SBF2: variants seen among roughly 807,000 people sequenced by gnomAD.
SBF2 encodes the protein SET binding factor 2, also known as myotubularin-related protein 13.
In SBF2, 112 loss-of-function variants were observed where a neutral mutation model predicts 225.2. The observed-to-expected ratio is 0.50, with a 90% CI of 0.43 to 0.58. The LOEUF is 0.58. Ranked by LOEUF, SBF2 falls within the 20% of genes least tolerant of loss-of-function variation. The pLI is 0.00. For missense variants in SBF2, 1,996 were observed against 2,206.2 expected, an observed-to-expected ratio of 0.90 and a Z score of 1.91; for synonymous variants, 763 against 773.3, an observed-to-expected ratio of 0.99 and a Z score of 0.22.
At chr11:10,067,537 CA>C (rs1050102185) in intron 2 of SBF2, among the ~76,000 whole-genome samples, 4 of 151,122 alleles carry the variant, frequency 2.6e-5, no homozygotes, top group African/African-American at 9.7e-5. Flanking sequence ...CAACATTAAC[CA>C]AAAAAACAAA....
chr11:10,232,495 A>T (rs1244414832), intron 1 of SBF2, among the ~76,000 whole-genome samples: 3 of 152,138 alleles, frequency 2.0e-5, no homozygotes, highest in African/African-American at 7.2e-5. Context: ...AAATACATAG[A>T]CCAAAATGTT....
At chr11:9,962,394 T>C (rs542545823) in intron 15 of SBF2, among the ~76,000 whole-genome samples, 9 of 152,330 alleles carry the variant, frequency 5.9e-5, no homozygotes, top group South Asian at 2.1e-4. Context: ...GGTTACCAAA[T>C]TGACTGTTGC....
intron 1 of SBF2, among the ~76,000 whole-genome samples, chr11:10,237,451 C>T (rs1565387937): frequency 6.6e-6 from 1 of 152,166 alleles, no homozygotes; most frequent in Non-Finnish European, 1.5e-5. Flanking sequence ...CCCTAGGGAA[C>T]CTAAAATAAA....
chr11:10,078,102 C>T (rs1326120315), intron 2 of SBF2, among the ~76,000 whole-genome samples: 1 of 152,204 alleles, frequency 6.6e-6, no homozygotes, highest in Non-Finnish European at 1.5e-5. Flanking sequence ...CATCTCATGC[C>T]ATTTAGAATG....
intron 2 of SBF2, among the ~76,000 whole-genome samples, chr11:10,175,526 C>T (rs1056181448): frequency 6.6e-6 from 1 of 151,600 alleles, no homozygotes; most frequent in African/African-American, 2.4e-5. Flanking sequence ...TCCTGAGCGA[C>T]CTACAAAGAG....
At chr11:9,983,254 G>C (rs1041560665) in intron 13 of SBF2, among the ~76,000 whole-genome samples, 1 of 152,192 alleles carries the variant, frequency 6.6e-6, no homozygotes, top group South Asian at 2.1e-4. Flanking sequence ...CAGCGGGAGA[G>C]AAACTGGCCC....
chr11:9,790,621 T>C lies in SBF2; in HGVS notation c.4633A>G (p.Ile1545Val), dbSNP rs1489365711. The C allele has an allele frequency of 6.3e-7, 1 of 1,591,064 alleles. No homozygotes were observed. Among genetic ancestry groups the C allele is most frequent in the Non-Finnish European group, 8.6e-7 (1 of 1,159,736 alleles). The change falls in exon 34 of 40, where the codon ATT becomes GTT. Residue 1545 changes from isoleucine to valine, a missense_variant. Coordinates refer to ENST00000256190, the MANE Select transcript of SBF2 (RefSeq NM_030962.4). ...AKKGVCIWEC[I>V]DRMHKRSPIF... ...GGACTCCTCTTGTGCATTCTGTCAA[T>C]ACATTCCCAAATACAGACTCCTTTT...
intron 2 of SBF2, among the ~76,000 whole-genome samples, chr11:10,050,608 CCTT>C (rs1950025699): frequency 6.6e-6 from 1 of 151,868 alleles, no homozygotes; most frequent in Admixed American, 6.6e-5. Context: ...TTATACTTGC[CCTT>C]CTTATGATAA....
At chr11:9,852,578 T>C (rs1012249766) in intron 21 of SBF2, 98 bp downstream of exon 21, 2 of 871,758 alleles carry the variant, frequency 2.3e-6, no homozygotes, top group Admixed American at 3.4e-5. Context: ...TTAGTGTCTG[T>C]CAAAGGTTAG....
chr11:10,028,591 C>G, intron 5 of SBF2, 34 bp from the exon 6 acceptor site: 1 of 1,328,456 alleles, frequency 7.5e-7, no homozygotes, highest in Non-Finnish European at 1.1e-6. Context: ...CACACACACA[C>G]ACGATTTCAG....
intron 17 of SBF2, among the ~76,000 whole-genome samples, chr11:9,867,234 T>C (rs909889187): frequency 6.6e-6 from 1 of 152,184 alleles, no homozygotes; most frequent in Non-Finnish European, 1.5e-5. Flanking sequence ...AAACATTTCA[T>C]GTACCCCATA....
chr11:10,063,978 A>C (rs1386858417), intron 2 of SBF2, among the ~76,000 whole-genome samples: 2 of 152,090 alleles, frequency 1.3e-5, no homozygotes, highest in Non-Finnish European at 2.9e-5. Context: ...AAATATTTTA[A>C]GAAATAATGG....
At position 9,864,121 on chromosome 11, in the gene SBF2, G is replaced by C. The variant is rs540936609; in HGVS notation, c.1930-5725C>G. Among the ~76,000 whole-genome samples, 59 of 152,320 alleles carry C rather than the reference G, an allele frequency of 3.9e-4. No homozygotes were observed. The South Asian group carries it at 6.6e-3, about 17-fold the overall frequency. On this transcript the variant is annotated intron_variant, in intron 17 of 39. Transcript: ENST00000256190. ...AGTATTTAGGATATTATGCTCATTA[G>C]TTAGTGGGATTTACAGAATAGTGAG...
intron 13 of SBF2, among the ~76,000 whole-genome samples, chr11:9,988,101 T>C (rs568702519): frequency 9.9e-4 from 151 of 152,108 alleles, no homozygotes; most frequent in African/African-American, 3.3e-3. Context: ...AACCCAGAAA[T>C]AGACCTAAAT....
intron 1 of SBF2, among the ~76,000 whole-genome samples, chr11:10,281,628 G>A (rs772870487): frequency 1.1e-4 from 16 of 152,008 alleles, no homozygotes; most frequent in Non-Finnish European, 2.1e-4. Flanking sequence ...GTTCCCCAAA[G>A]CTTGGTTCTC....
chr11:10,084,265 A>G (rs919623549), intron 2 of SBF2, among the ~76,000 whole-genome samples: 4 of 152,218 alleles, frequency 2.6e-5, no homozygotes, highest in Non-Finnish European at 5.9e-5. Flanking sequence ...AAAAGTGTGC[A>G]AAAGACATGA....
At chr11:10,107,363 GAC>G (rs1446038422) in intron 2 of SBF2, among the ~76,000 whole-genome samples, 3 of 152,060 alleles carry the variant, frequency 2.0e-5, no homozygotes, top group Admixed American at 1.3e-4. Flanking sequence ...CAATAACAAA[GAC>G]AGATCTCAAA....
chr11:10,177,879 T>G (rs1024505377), intron 2 of SBF2, among the ~76,000 whole-genome samples: 1 of 149,822 alleles, frequency 6.7e-6, no homozygotes, highest in Admixed American at 6.7e-5. Context: ...GAGCCTGCAT[T>G]GCCAAGACAA....
chr11:10,125,419 T>C (rs1183359502), intron 2 of SBF2, among the ~76,000 whole-genome samples: 1 of 152,176 alleles, frequency 6.6e-6, no homozygotes, highest in African/African-American at 2.4e-5. Flanking sequence ...TTTTAATATT[T>C]GGAAATAGTT....
Sources: gnomAD v4.1 joint callset for allele counts (sites outside exome capture counted in the v4.1 genomes callset) on GRCh38, gnomAD v4.1.1 for gene constraint, MANE v1.5 for transcripts, NCBI Gene and HGNC (gene_info 2026-07-23, HGNC 2026-07-21) for gene names.